Variants in CELF1 observed in about 807,000 individuals in gnomAD.
The protein encoded by CELF1 is 50 kDa nuclear polyadenylated RNA-binding protein.
A neutral mutation model predicts 61.8 loss-of-function variants in CELF1; 10 were observed. The ratio of observed to expected loss-of-function variants is 0.16; its 90% confidence interval spans 0.10 to 0.27. The LOEUF is 0.27. Ranked by LOEUF, CELF1 falls within the 10% of genes least tolerant of loss-of-function variation. The probability of loss-of-function intolerance (pLI) is 1.00; values close to 1 mark genes in which losing one functional copy is unlikely to be tolerated. For synonymous variants in CELF1, 236 were observed against 225.1 expected (o/e 1.05, Z -0.43); for missense variants, 380 against 639.1 (o/e 0.59, Z 4.37).
chr11:47,519,996 C>A (rs2095798498), intron 1 of CELF1, among the ~76,000 whole-genome samples: 1 of 89,522 alleles, frequency 1.1e-5, no homozygotes, highest in African/African-American at 4.5e-5. Context: ...TTCATTTTTA[C>A]AAAAACAAGC....
chr11:47,495,594 G>A (rs1407634701), intron 3 of CELF1, among the ~76,000 whole-genome samples: 3 of 152,174 alleles, frequency 2.0e-5, no homozygotes, highest in East Asian at 1.9e-4. Flanking sequence ...GAAGGGATCC[G>A]AAGAAAAGTC....
intron 1 of CELF1, among the ~76,000 whole-genome samples, chr11:47,528,983 C>T (rs1011089777): frequency 1.3e-5 from 2 of 152,092 alleles, no homozygotes; most frequent in African/African-American, 4.8e-5. Context: ...TCACTGCAGC[C>T]TCAACCTCCT....
intron 1 of CELF1, among the ~76,000 whole-genome samples, chr11:47,551,170 C>A (rs1232829539): frequency 2.0e-5 from 3 of 152,062 alleles, no homozygotes; most frequent in Non-Finnish European, 2.9e-5. Flanking sequence ...GCTACCAGAT[C>A]TTAAGTCTAG....
intron 1 of CELF1, among the ~76,000 whole-genome samples, chr11:47,541,756 A>C (rs1336510167): frequency 0.016 from 147 of 9,120 alleles, 22 homozygotes; most frequent in African/African-American, 0.04. Flanking sequence ...GAAAGAAAGA[A>C]CGAAAGAAAG....
Position 47,532,133 on chromosome 11 carries a change from C to A in CELF1, c.-154+20859G>T, listed in dbSNP as rs572143698. On this transcript the variant is annotated intron_variant, in intron 1 of 14. Coordinates refer to ENST00000687097, the MANE Select transcript of CELF1 (RefSeq NM_001376376.1). ...GCAACCTTCGCCTCCCAGGTTCAAGCGATTCTCCTGCCTCAGCTGCCTGAG... is the reference window on the plus strand; with the variant it reads ...GCAACCTTCGCCTCCCAGGTTCAAGAGATTCTCCTGCCTCAGCTGCCTGAG... 2.6e-5 allele frequency among the ~76,000 whole-genome samples: 4 copies of A among 152,098 alleles called. No homozygotes were observed. In the East Asian group the frequency reaches 5.8e-4, roughly 22 times the overall value.
At chr11:47,546,285 G>A (rs1422229655) in intron 1 of CELF1, among the ~76,000 whole-genome samples, 1 of 145,544 alleles carries the variant, frequency 6.9e-6, no homozygotes, top group Non-Finnish European at 1.5e-5. Context: ...GCGGGGGAGG[G>A]AATGGAGTTT....
At chr11:47,514,276 C>A (rs530352904) in intron 1 of CELF1, among the ~76,000 whole-genome samples, 1 of 152,174 alleles carries the variant, frequency 6.6e-6, no homozygotes, top group African/African-American at 2.4e-5. Flanking sequence ...TAATACTGCA[C>A]AACCTACTTT....
chr11:47,493,339 TA>T (rs11458910), intron 3 of CELF1, among the ~76,000 whole-genome samples: 34 of 127,944 alleles, frequency 2.7e-4, no homozygotes, highest in Admixed American at 4.1e-4. Context: ...CGTCCCTACT[TA>T]AAAAAAAAAA....
At chr11:47,530,350 T>A (rs1295566434) in intron 1 of CELF1, among the ~76,000 whole-genome samples, 1 of 152,034 alleles carries the variant, frequency 6.6e-6, no homozygotes, top group African/African-American at 2.4e-5. Flanking sequence ...CAGAAAAAAA[T>A]TCTGAACATG....
upstream of CELF1, among the ~76,000 whole-genome samples, chr11:47,555,109 A>G (rs916678230): frequency 3.3e-5 from 5 of 152,220 alleles, no homozygotes; most frequent in African/African-American, 1.2e-4. Context: ...TGCCTAATCC[A>G]TAGTACATGC....
chr11:47,486,160 C>CAAAA (rs375593179), intron 6 of CELF1, among the ~76,000 whole-genome samples: 32 of 82,682 alleles, frequency 3.9e-4, no homozygotes, highest in Non-Finnish European at 2.4e-4. Flanking sequence ...GACTCCATCT[C>CAAAA]AAAAAAAAAA....
At chr11:47,478,986 AGAGT>A (rs769910009) in intron 9 of CELF1, 34 bp from the exon 10 acceptor site, 1 of 1,557,128 alleles carries the variant, frequency 6.4e-7, no homozygotes, top group Non-Finnish European at 8.8e-7. Flanking sequence ...AACAAGAGTG[AGAGT>A]GAGGGCTGGT....
chr11:47,497,416 T>C (rs1200884805), intron 3 of CELF1, among the ~76,000 whole-genome samples: 2 of 152,238 alleles, frequency 1.3e-5, no homozygotes, highest in Non-Finnish European at 2.9e-5. Flanking sequence ...TCACTGACAC[T>C]AGAGGCAGCC....
chr11:47,521,801 T>C (rs1292763694), intron 1 of CELF1, among the ~76,000 whole-genome samples: 2 of 152,216 alleles, frequency 1.3e-5, no homozygotes, highest in Non-Finnish European at 2.9e-5. Context: ...GATCTTAAGA[T>C]GTACTGTACA....
At chr11:47,480,229 G>C (rs894200997) in intron 9 of CELF1, among the ~76,000 whole-genome samples, 2 of 151,954 alleles carry the variant, frequency 1.3e-5, no homozygotes, top group Non-Finnish European at 2.9e-5. Flanking sequence ...TGGGACCACA[G>C]GTGTGTACCA....
intron 1 of CELF1, among the ~76,000 whole-genome samples, chr11:47,506,424 G>A (rs143852793): frequency 2.7e-5 from 4 of 150,600 alleles, no homozygotes; most frequent in South Asian, 4.2e-4. Flanking sequence ...GCGAGACTCC[G>A]GCTCAAAAAA....
intron 1 of CELF1, among the ~76,000 whole-genome samples, chr11:47,537,307 G>T (rs896828212): frequency 6.7e-6 from 1 of 150,080 alleles, no homozygotes; most frequent in Non-Finnish European, 1.5e-5. Flanking sequence ...GAGTGCAGTG[G>T]CGCCATCTTG....
intron 1 of CELF1, among the ~76,000 whole-genome samples, chr11:47,545,486 T>C (rs2096909864): frequency 1.3e-5 from 2 of 151,972 alleles, no homozygotes; most frequent in East Asian, 1.9e-4. Flanking sequence ...CCAATACTCA[T>C]TATTAAGAGG....
At chr11:47,485,832 C>CA (rs1265129826) in intron 6 of CELF1, among the ~76,000 whole-genome samples, 1 of 147,348 alleles carries the variant, frequency 6.8e-6, no homozygotes, top group East Asian at 2.2e-4. Context: ...GCTGGGATTA[C>CA]AAGCATGAGC....
Sources: gnomAD v4.1 joint callset for allele counts (sites outside exome capture counted in the v4.1 genomes callset) on GRCh38, gnomAD v4.1.1 for gene constraint, MANE v1.5 for transcripts, NCBI Gene and HGNC (gene_info 2026-07-23, HGNC 2026-07-21) for gene names.